The following EFNA5 variants were observed in gnomAD, a reference collection of about 807,000 sequenced individuals.
EFNA5 encodes the protein ephrin A5, also known as ephrin-A5.
In EFNA5, 5 loss-of-function variants were observed where a neutral mutation model predicts 22.9. The ratio of observed to expected loss-of-function variants is 0.22; its 90% CI spans 0.11 to 0.46. The LOEUF is 0.46. Among genes scored for constraint, EFNA5 ranks in the 20% least tolerant of loss-of-function variants. The probability of loss-of-function intolerance (pLI) is 0.99; values close to 1 mark genes in which losing one functional copy is unlikely to be tolerated. For synonymous variants in EFNA5, 113 were observed against 112.2 expected (o/e 1.01, Z -0.04); for missense variants, 237 against 293.3 (o/e 0.81, Z 1.40).
chr5:107,448,831 C>CAGTA (rs1749466302), intron 1 of EFNA5, among the ~76,000 whole-genome samples: 2 of 128,134 alleles, frequency 1.6e-5, no homozygotes, highest in East Asian at 4.7e-4. Context: ...CTCTGTCTCA[C>CAGTA]AATAAATAAA....
intron 1 of EFNA5, among the ~76,000 whole-genome samples, chr5:107,642,532 A>T (rs1750550282): frequency 6.6e-6 from 1 of 151,906 alleles, no homozygotes. Flanking sequence ...CCAAAACAAG[A>T]CTTCTTTCCC....
chr5:107,462,496 G>A (rs947287298), intron 1 of EFNA5, among the ~76,000 whole-genome samples: 3 of 152,040 alleles, frequency 2.0e-5, no homozygotes, highest in African/African-American at 4.8e-5. Context: ...ACGGCTATGG[G>A]TCCACACTAT....
chr5:107,452,513 C>T (rs371026652), intron 1 of EFNA5, among the ~76,000 whole-genome samples: 1 of 151,998 alleles, frequency 6.6e-6, no homozygotes, highest in East Asian at 1.9e-4. Flanking sequence ...CACTTGAGCC[C>T]CGAAGTTTGA....
chr5:107,515,379 T>C (rs1747455643), intron 1 of EFNA5, among the ~76,000 whole-genome samples: 1 of 147,950 alleles, frequency 6.8e-6, no homozygotes, highest in Non-Finnish European at 1.5e-5. Flanking sequence ...TTATTATTAT[T>C]ATTATTATTA....
At position 107,605,108 on chromosome 5, in the gene EFNA5, C is replaced by A. The variant is rs567889363; in HGVS notation, c.125+65381G>T. ...CCACTGGGAGGAAAGCCATGTGGGA[C>A]AAATTAGGTGCCGCTGCAAGATTTA... is the stretch of plus-strand genomic sequence containing the variant. On this transcript the variant is annotated intron_variant, in intron 1 of 4. Transcript: ENST00000333274. Among the ~76,000 whole-genome samples, 102 of 116,294 alleles carry A rather than the reference C, an allele frequency of 8.8e-4. 1 individual carries two copies. Among genetic ancestry groups the A allele is most frequent in the Admixed American group, 8.7e-3 (77 of 8,888 alleles). 76.3% of individuals were successfully genotyped at this position (116,294 alleles called of 152,430 possible).
chr5:107,480,763 G>T (rs765095498), intron 1 of EFNA5, among the ~76,000 whole-genome samples: 4 of 152,208 alleles, frequency 2.6e-5, no homozygotes, highest in Non-Finnish European at 4.4e-5. Flanking sequence ...GTCCCAGAAA[G>T]ACAAAATGAG....
intron 1 of EFNA5, among the ~76,000 whole-genome samples, chr5:107,488,031 G>C (rs183841643): frequency 1.1e-3 from 165 of 152,296 alleles, no homozygotes; most frequent in Non-Finnish European, 1.9e-3. Flanking sequence ...GCAGCCTTTA[G>C]GGTCTCTAAT....
rs758279718 is a variant in EFNA5 at position 107,474,471 on chromosome 5, T to G, written c.126-46962A>C. ...AAACAGTCTGAGTTCAAATCTAGTA[T>G]GTAAAAATTTCCCAGAGGATCAGAA... On this transcript the variant is annotated intron_variant, in intron 1 of 4. Transcript: ENST00000333274. 1.4e-3 allele frequency among the ~76,000 whole-genome samples: 218 copies of G among 152,234 alleles called. 1 individual carries two copies. Among genetic ancestry groups the G allele is most frequent in the Non-Finnish European group, 2.4e-3 (162 of 68,012 alleles).
chr5:107,617,528 A>G (rs1319181433), intron 1 of EFNA5, among the ~76,000 whole-genome samples: 2 of 152,312 alleles, frequency 1.3e-5, no homozygotes, highest in Non-Finnish European at 2.9e-5. Flanking sequence ...CCCCGCCACC[A>G]TTATCTGCAA....
intron 2 of EFNA5, among the ~76,000 whole-genome samples, chr5:107,399,065 G>A (rs1443651536): frequency 6.6e-6 from 1 of 152,110 alleles, no homozygotes; most frequent in African/African-American, 2.4e-5. Flanking sequence ...CTTGGGAACT[G>A]ATGTAATAAT....
chr5:107,563,906 A>C (rs895642787), intron 1 of EFNA5, among the ~76,000 whole-genome samples: 1 of 152,194 alleles, frequency 6.6e-6, no homozygotes, highest in Non-Finnish European at 1.5e-5. Context: ...TCTTGTTCGC[A>C]AGTCATCAGA....
chr5:107,608,805 T>C (rs1334928168), intron 1 of EFNA5, among the ~76,000 whole-genome samples: 1 of 152,222 alleles, frequency 6.6e-6, no homozygotes, highest in Non-Finnish European at 1.5e-5. Context: ...CCAAGCAGGC[T>C]GGTCCCAACG....
intron 1 of EFNA5, among the ~76,000 whole-genome samples, chr5:107,439,761 G>A (rs1056812209): frequency 4.6e-5 from 7 of 152,166 alleles, no homozygotes; most frequent in Admixed American, 6.5e-5. Flanking sequence ...GTGTTATCTC[G>A]CTGTTTTAGC....
intron 1 of EFNA5, among the ~76,000 whole-genome samples, chr5:107,594,023 T>C (rs963980724): frequency 3.9e-5 from 6 of 152,224 alleles, no homozygotes; most frequent in Non-Finnish European, 8.8e-5. Context: ...TCAAGGTATG[T>C]GCTTGTTCTC....
At chr5:107,593,207 G>T (rs115330054) in intron 1 of EFNA5, among the ~76,000 whole-genome samples, 1 of 152,216 alleles carries the variant, frequency 6.6e-6, no homozygotes, top group South Asian at 2.1e-4. Context: ...ACAGAGACTC[G>T]ACCCTTATGT....
In EFNA5 at chr5:107,558,189, C is replaced by A. The variant is rs57382091; in HGVS notation, c.125+112300G>T. On this transcript the variant is annotated intron_variant, in intron 1 of 4. Coordinates refer to ENST00000333274, the MANE Select transcript of EFNA5 (RefSeq NM_001962.3). Reference sequence around the variant, plus strand: ...TTGCCCAAGCTTACACCGAAATATTCGAAGTTAAGCCTAAAACTCAAGTTT... The same window carrying A: ...TTGCCCAAGCTTACACCGAAATATTAGAAGTTAAGCCTAAAACTCAAGTTT... Among the ~76,000 whole-genome samples, 13 of 151,984 alleles carry A rather than the reference C, an allele frequency of 8.6e-5. 1 individual carries two copies. In the East Asian group the frequency reaches 2.3e-3, roughly 27 times the overall value.
At chr5:107,568,229 C>G (rs1199668547) in intron 1 of EFNA5, among the ~76,000 whole-genome samples, 2 of 152,068 alleles carry the variant, frequency 1.3e-5, no homozygotes, top group East Asian at 3.8e-4. Flanking sequence ...ACACATATAC[C>G]CCTCTGCATA....
chr5:107,485,535 A>T (rs1746593393), intron 1 of EFNA5, among the ~76,000 whole-genome samples: 2 of 152,174 alleles, frequency 1.3e-5, no homozygotes, highest in African/African-American at 4.8e-5. Flanking sequence ...GGTCCTTGAG[A>T]AAGAGTGAAT....
At chr5:107,391,210 G>C (rs1376410847) in intron 2 of EFNA5, among the ~76,000 whole-genome samples, 1 of 152,150 alleles carries the variant, frequency 6.6e-6, no homozygotes. Context: ...TCTTTATTAG[G>C]TGCTGTGCAT....
Sources: gnomAD v4.1 joint callset for allele counts (sites outside exome capture counted in the v4.1 genomes callset) on GRCh38, gnomAD v4.1.1 for gene constraint, MANE v1.5 for transcripts, NCBI Gene and HGNC (gene_info 2026-07-23, HGNC 2026-07-21) for gene names.